Variants in MEF2A observed in about 807,000 individuals in gnomAD.
MEF2A encodes the protein myocyte enhancer factor 2A, also known as myocyte-specific enhancer factor 2A.
MEF2A carries 28 observed loss-of-function variants against 55.8 expected under a neutral mutation model. The observed-to-expected ratio is 0.50, with a 90% confidence interval of 0.37 to 0.69. The LOEUF is 0.69. Ranked by LOEUF, MEF2A falls within the 30% of genes least tolerant of loss-of-function variation. MEF2A has a pLI of 0.00. For synonymous variants in MEF2A, 239 were observed against 227.1 expected, an observed-to-expected ratio of 1.05 and a Z score of -0.47; for missense variants, 528 against 626.2, an observed-to-expected ratio of 0.84 and a Z score of 1.67.
chr15:99,689,798 T>G (rs2055020868), intron 7 of MEF2A, among the ~76,000 whole-genome samples: 1 of 152,220 alleles, frequency 6.6e-6, no homozygotes, highest in Non-Finnish European at 1.5e-5. Flanking sequence ...TGTTGTGTGT[T>G]AAATCTCTTT....
At chr15:99,636,571 T>G (rs780695161) in intron 3 of MEF2A, among the ~76,000 whole-genome samples, 2 of 152,212 alleles carry the variant, frequency 1.3e-5, no homozygotes, top group Admixed American at 6.5e-5. Flanking sequence ...ACTCCTGGCC[T>G]TAAGTGATCC....
chr15:99,665,454 C>T (rs928339456), intron 4 of MEF2A, among the ~76,000 whole-genome samples: 2 of 151,974 alleles, frequency 1.3e-5, no homozygotes, highest in East Asian at 1.9e-4. Context: ...AAGATTTAAA[C>T]GTAAGACCTA....
rs554628416 is a variant in MEF2A, at chr15:99,606,462, A to G, written c.-143+7951A>G. 7.2e-5 allele frequency among the ~76,000 whole-genome samples: 11 copies of G among 152,320 alleles called. 1 individual carries two copies. The South Asian group carries it at 2.3e-3, about 32-fold the overall frequency. On this transcript the variant is annotated intron_variant, in intron 2 of 11. Transcript: ENST00000557942. ...AGAAAAGAGAGGCAAGTCAGAGTAG[A>G]GAAGATATCTGCAGTACCTTTAACA... is the stretch of plus-strand genomic sequence containing the variant.
intron 1 of MEF2A, among the ~76,000 whole-genome samples, chr15:99,569,802 G>C (rs1961329765): frequency 6.6e-6 from 1 of 151,902 alleles, no homozygotes; most frequent in Non-Finnish European, 1.5e-5. Context: ...AGTAACTTTA[G>C]TTAATCTGTA....
At chr15:99,662,328 G>T (rs543650984) in intron 4 of MEF2A, among the ~76,000 whole-genome samples, 128 of 152,176 alleles carry the variant, frequency 8.4e-4, no homozygotes, top group African/African-American at 2.9e-3. Context: ...TTGTTTTTAT[G>T]TGTTGTCAGA....
chr15:99,634,830 A>C (rs774718602), intron 3 of MEF2A, among the ~76,000 whole-genome samples: 1 of 152,256 alleles, frequency 6.6e-6, no homozygotes, highest in Non-Finnish European at 1.5e-5. Context: ...GGCAAGGACT[A>C]TCTGAATTTC....
At chr15:99,684,489 CT>C in intron 7 of MEF2A, among the ~76,000 whole-genome samples, 2 of 152,268 alleles carry the variant, frequency 1.3e-5, no homozygotes, top group Middle Eastern at 6.8e-3. Context: ...TTTCGTATGT[CT>C]TTTGGCAATT....
intron 3 of MEF2A, among the ~76,000 whole-genome samples, chr15:99,643,900 A>G (rs1014380314): frequency 6.6e-6 from 1 of 152,168 alleles, no homozygotes; most frequent in East Asian, 1.9e-4. Flanking sequence ...TGAGAATTTT[A>G]AAGTATCAAA....
chr15:99,660,969 G>A (rs2048522553), intron 4 of MEF2A, among the ~76,000 whole-genome samples: 1 of 152,162 alleles, frequency 6.6e-6, no homozygotes, highest in African/African-American at 2.4e-5. Flanking sequence ...AGGTGAGAGG[G>A]TTTGCACTGC....
chr15:99,706,922 G>A (rs1343487785), intron 10 of MEF2A, 67 bp downstream of exon 10: 3 of 1,510,146 alleles, frequency 2.0e-6, no homozygotes, highest in Non-Finnish European at 2.7e-6. Context: ...GTGTGCTTCT[G>A]TGATTTTTTT....
chr15:99,583,660 C>CA (rs922909960), intron 1 of MEF2A, among the ~76,000 whole-genome samples: 2 of 151,948 alleles, frequency 1.3e-5, no homozygotes, highest in African/African-American at 4.8e-5. Flanking sequence ...GTCACATCCT[C>CA]AATCTGAAGA....
At chr15:99,670,564 C>CAA (rs2050675242) in intron 4 of MEF2A, among the ~76,000 whole-genome samples, 1 of 151,822 alleles carries the variant, frequency 6.6e-6, no homozygotes, top group African/African-American at 2.4e-5. Flanking sequence ...GAGCCAACAT[C>CAA]GTGCCACTGC....
In MEF2A at chr15:99,710,546, A is replaced by T. The variant is rs1008071190; in HGVS notation, c.1010-88A>T. The T allele has an allele frequency of 6.5e-6, 10 of 1,529,800 alleles. No individual in the cohort carries two copies. In the African/African-American group the frequency reaches 1.4e-4, roughly 21 times the overall value. 94.8% of individuals were successfully genotyped at this position (1,529,800 alleles called of 1,614,324 possible). A position where few individuals can be genotyped will look rare whatever the true frequency, so the allele number is the denominator to read the frequency against. ...GCATGAGCCAGCATGGCTGGCCTCA[A>T]TGTAGGAACTTTTGCAGTAGCTACG... On this transcript the variant is annotated intron_variant, in intron 10 of 11. Transcript: ENST00000557942.
intron 4 of MEF2A, among the ~76,000 whole-genome samples, chr15:99,655,423 A>G (rs1020646862): frequency 6.6e-6 from 1 of 152,162 alleles, no homozygotes; most frequent in Admixed American, 6.6e-5. Flanking sequence ...GACAAATTGA[A>G]TATAGTTGAT....
chr15:99,685,985 C>T lies in MEF2A; in HGVS notation c.671-4256C>T, dbSNP rs138384059. Among the ~76,000 whole-genome samples the T allele has an allele frequency of 1.9e-4, 29 of 152,168 alleles. 1 individual carries two copies. In the East Asian group the frequency reaches 2.1e-3, roughly 11 times the overall value. On this transcript the variant is annotated intron_variant, in intron 7 of 11. Coordinates refer to ENST00000557942, the MANE Select transcript of MEF2A (RefSeq NM_001319206.4). ...GTTTTTAAAATTACTGTTTCAGTCT[C>T]GCTGCTTGTTATTGGTCCATGCAGA...
chr15:99,644,979 G>T (rs1205715166), intron 3 of MEF2A, among the ~76,000 whole-genome samples: 1 of 152,142 alleles, frequency 6.6e-6, no homozygotes, highest in Non-Finnish European at 1.5e-5. Flanking sequence ...AATATAAAGG[G>T]TGTAAATAAA....
intron 4 of MEF2A, among the ~76,000 whole-genome samples, chr15:99,655,508 TA>T (rs1176166937): frequency 1.3e-5 from 2 of 152,122 alleles, no homozygotes; most frequent in East Asian, 3.9e-4. Context: ...GAGGGGTGTT[TA>T]AAAGTTTTAA....
intron 4 of MEF2A, among the ~76,000 whole-genome samples, chr15:99,664,866 A>G (rs2049307547): frequency 6.6e-6 from 1 of 152,250 alleles, no homozygotes; most frequent in Non-Finnish European, 1.5e-5. Context: ...AGGCATAAAC[A>G]TTACTATCAT....
intron 2 of MEF2A, among the ~76,000 whole-genome samples, chr15:99,615,985 A>T (rs1406163379): frequency 6.6e-6 from 1 of 152,200 alleles, no homozygotes; most frequent in Non-Finnish European, 1.5e-5. Flanking sequence ...CTTCTGTGTT[A>T]TACTACTTAA....
Sources: gnomAD v4.1 joint callset for allele counts (sites outside exome capture counted in the v4.1 genomes callset) on GRCh38, gnomAD v4.1.1 for gene constraint, MANE v1.5 for transcripts, NCBI Gene and HGNC (gene_info 2026-07-23, HGNC 2026-07-21) for gene names.